THSD7B: variants seen among roughly 807,000 people sequenced by gnomAD.
THSD7B encodes thrombospondin type-1 domain-containing protein 7B.
THSD7B carries 138 observed loss-of-function variants against 213.6 expected under a neutral mutation model. The ratio of observed to expected loss-of-function variants is 0.65; its 90% confidence interval spans 0.56 to 0.74. The LOEUF is 0.74. Among genes scored for constraint, THSD7B ranks in the 30% least tolerant of loss-of-function variants. The pLI, the probability that THSD7B is intolerant of heterozygous loss-of-function variation, is 0.00. For missense variants in THSD7B, 1,931 were observed against 1,991.5 expected (o/e 0.97, Z 0.58); for synonymous variants, 742 against 687.0 (o/e 1.08, Z -1.25).
chr2:137,340,643 T>C (rs1312250077), intron 12 of THSD7B, among the ~76,000 whole-genome samples: 1 of 151,880 alleles, frequency 6.6e-6, no homozygotes, highest in African/African-American at 2.4e-5. Context: ...GGTTCAATTG[T>C]TTTAGATTCC....
intron 2 of THSD7B, among the ~76,000 whole-genome samples, chr2:136,999,458 G>A (rs1482019676): frequency 6.7e-6 from 1 of 148,344 alleles, no homozygotes; most frequent in African/African-American, 2.5e-5. Flanking sequence ...TTTAAATTAG[G>A]TATCTTGTTT....
intron 2 of THSD7B, among the ~76,000 whole-genome samples, chr2:136,913,047 G>A (rs1190794768): frequency 2.8e-4 from 43 of 152,220 alleles, no homozygotes; most frequent in East Asian, 3.9e-4. Context: ...CTAGAGACTT[G>A]TTGAATGGCT....
At chr2:137,151,010 C>G (rs1450462244) in intron 5 of THSD7B, among the ~76,000 whole-genome samples, 2 of 152,146 alleles carry the variant, frequency 1.3e-5, no homozygotes, top group Non-Finnish European at 2.9e-5. Flanking sequence ...CAAAGTTGCT[C>G]TGGGTGAATC....
intron 3 of THSD7B, among the ~76,000 whole-genome samples, chr2:137,061,723 G>A (rs1161067247): frequency 6.6e-6 from 1 of 151,690 alleles, no homozygotes; most frequent in African/African-American, 2.4e-5. Flanking sequence ...ACTTAGCTGC[G>A]ACGTAAATTC....
rs143926691 is a variant in THSD7B at position 137,301,476 on chromosome 2, T to C, written c.2500+25450T>C. 2.3e-3 allele frequency among the ~76,000 whole-genome samples: 347 copies of C among 152,212 alleles called. 2 individuals carry two copies. The highest frequency in any genetic ancestry group is 8.1e-3 in the African/African-American group (336 of 41,552). On this transcript the variant is annotated intron_variant, in intron 12 of 27. Transcript: ENST00000409968. Reference sequence around the variant, plus strand: ...ATAGATTATCAACAGAAATGGATAGTATATGATATCGGCATGGTGACAAAT... The same window carrying C: ...ATAGATTATCAACAGAAATGGATAGCATATGATATCGGCATGGTGACAAAT...
intron 5 of THSD7B, among the ~76,000 whole-genome samples, chr2:137,159,991 C>T (rs1403712306): frequency 6.6e-6 from 1 of 152,238 alleles, no homozygotes; most frequent in Non-Finnish European, 1.5e-5. Flanking sequence ...GCAGGAATTT[C>T]AAGCGCATGC....
chr2:137,287,013 A>G (rs1683198313), intron 12 of THSD7B, among the ~76,000 whole-genome samples: 1 of 152,174 alleles, frequency 6.6e-6, no homozygotes, highest in South Asian at 2.1e-4. Flanking sequence ...GCTATTTTTA[A>G]TAACTTTTGT....
chr2:137,076,636 G>A (rs554301079), intron 3 of THSD7B, among the ~76,000 whole-genome samples: 11 of 152,254 alleles, frequency 7.2e-5, no homozygotes, highest in South Asian at 4.2e-4. Flanking sequence ...AGATGAACCC[G>A]GTACCTCAGT....
At chr2:137,232,576 A>G (rs1681664485) in intron 8 of THSD7B, among the ~76,000 whole-genome samples, 1 of 152,204 alleles carries the variant, frequency 6.6e-6, no homozygotes, top group Admixed American at 6.5e-5. Flanking sequence ...AGAAGCATAG[A>G]AATATTTTTT....
chr2:136,865,062 A>T (rs889126969), intron 1 of THSD7B, among the ~76,000 whole-genome samples: 1 of 152,148 alleles, frequency 6.6e-6, no homozygotes, highest in Non-Finnish European at 1.5e-5. Context: ...ACAGTACTGG[A>T]TTATTTCTGG....
intron 1 of THSD7B, among the ~76,000 whole-genome samples, chr2:136,783,177 A>G (rs1257804977): frequency 6.6e-6 from 1 of 152,182 alleles, no homozygotes; most frequent in African/African-American, 2.4e-5. Context: ...AAATGAATGA[A>G]TGAGTCTTTT....
intron 7 of THSD7B, among the ~76,000 whole-genome samples, chr2:137,219,044 T>C (rs560821842): frequency 6.6e-6 from 1 of 152,234 alleles, no homozygotes; most frequent in East Asian, 1.9e-4. Flanking sequence ...GTTTGCAAGA[T>C]TTTGATGAGA....
intron 3 of THSD7B, among the ~76,000 whole-genome samples, chr2:137,061,722 C>T (rs939645711): frequency 2.0e-5 from 3 of 151,678 alleles, no homozygotes; most frequent in African/African-American, 4.8e-5. Flanking sequence ...CACTTAGCTG[C>T]GACGTAAATT....
At chr2:137,128,406 T>C (rs553943365) in intron 5 of THSD7B, among the ~76,000 whole-genome samples, 55 of 152,302 alleles carry the variant, frequency 3.6e-4, no homozygotes, top group African/African-American at 1.3e-3. Context: ...TCAACAACCA[T>C]TGTGACACAA....
intron 17 of THSD7B, among the ~76,000 whole-genome samples, chr2:137,593,010 C>T (rs1681894688): frequency 6.6e-6 from 1 of 151,890 alleles, no homozygotes; most frequent in Admixed American, 6.6e-5. Context: ...ATAAATGGAA[C>T]CACACAGTTC....
intron 2 of THSD7B, among the ~76,000 whole-genome samples, chr2:137,008,132 G>A (rs1573763647): frequency 6.6e-6 from 1 of 152,082 alleles, no homozygotes; most frequent in East Asian, 1.9e-4. Flanking sequence ...ATCTTAGGTT[G>A]GAATGGATCA....
At chr2:137,290,494 C>T (rs1039807274) in intron 12 of THSD7B, among the ~76,000 whole-genome samples, 7 of 152,076 alleles carry the variant, frequency 4.6e-5, no homozygotes, top group Non-Finnish European at 8.8e-5. Context: ...CGCTGAGCCC[C>T]GCTTCTCTTT....
chr2:137,336,818 T>A (rs2104901728), intron 12 of THSD7B, among the ~76,000 whole-genome samples: 1 of 152,242 alleles, frequency 6.6e-6, no homozygotes, highest in African/African-American at 2.4e-5. Flanking sequence ...TTAAAAGTAT[T>A]CAAAAATAAG....
At chr2:137,513,761 A>T (rs1680015153) in intron 15 of THSD7B, among the ~76,000 whole-genome samples, 1 of 152,192 alleles carries the variant, frequency 6.6e-6, no homozygotes, top group Admixed American at 6.5e-5. Context: ...TCTTATTCAG[A>T]AGTTGTCCAG....
Sources: allele counts gnomAD v4.1 joint callset (sites outside exome capture counted in the v4.1 genomes callset), GRCh38; gene constraint gnomAD v4.1.1; transcripts MANE v1.5; gene names NCBI Gene and HGNC (gene_info 2026-07-23, HGNC 2026-07-21).